ADAMTS2: variants seen among roughly 807,000 people sequenced by gnomAD.
The protein encoded by ADAMTS2 is ADAM metallopeptidase with thrombospondin type 1 motif 2.
In ADAMTS2, 50 loss-of-function variants were observed where a neutral mutation model predicts 123.0. The ratio of observed to expected loss-of-function variants is 0.41; its 90% CI spans 0.32 to 0.51. The LOEUF (loss-of-function observed/expected upper bound fraction) is 0.51, where lower values mean the gene tolerates loss of function less well. ADAMTS2 is among the 20% of genes least tolerant of loss of function. The probability of loss-of-function intolerance (pLI) is 0.35; values close to 1 mark genes in which losing one functional copy is unlikely to be tolerated. For synonymous variants in ADAMTS2, 678 were observed against 695.4 expected, an observed-to-expected ratio of 0.98 and a Z score of 0.39; for missense variants, 1,494 against 1,705.2, an observed-to-expected ratio of 0.88 and a Z score of 2.18.
At chr5:179,316,167 G>A (rs1049024454) in intron 2 of ADAMTS2, among the ~76,000 whole-genome samples, 44 of 152,194 alleles carry the variant, frequency 2.9e-4, no homozygotes, top group African/African-American at 9.4e-4. Context: ...AGACTGGGGC[G>A]TGGGCACCGG....
chr5:179,148,227 C>T (rs1325806985), intron 10 of ADAMTS2, among the ~76,000 whole-genome samples: 1 of 152,126 alleles, frequency 6.6e-6, no homozygotes, highest in African/African-American at 2.4e-5. Flanking sequence ...CTGTGCACGC[C>T]TCCATCTCCT....
At chr5:179,341,372 G>T in intron 2 of ADAMTS2, 1 of 367,384 alleles carries the variant, frequency 2.7e-6, no homozygotes, top group Non-Finnish European at 5.3e-6. Context: ...AAGGAAGGAA[G>T]GAAGGAAAGA....
chr5:179,318,826 C>T (rs60882787), intron 2 of ADAMTS2, among the ~76,000 whole-genome samples: 2,443 of 152,306 alleles, frequency 0.016, 58 homozygotes, highest in African/African-American at 0.056. Context: ...GGCGGGGCCC[C>T]GAAGGGTCTT....
At chr5:179,223,129 C>T (rs553170636) in intron 3 of ADAMTS2, among the ~76,000 whole-genome samples, 17 of 152,348 alleles carry the variant, frequency 1.1e-4, no homozygotes, top group Non-Finnish European at 1.9e-4. Flanking sequence ...TGCTAACTAC[C>T]ATTTGCCAGC....
intron 4 of ADAMTS2, among the ~76,000 whole-genome samples, chr5:179,200,189 C>T (rs1363563877): frequency 6.6e-6 from 1 of 150,390 alleles, no homozygotes. Context: ...GAATGCATTG[C>T]ATGTAATACA....
intron 2 of ADAMTS2, among the ~76,000 whole-genome samples, chr5:179,306,950 G>T (rs1453661086): frequency 1.3e-5 from 2 of 152,204 alleles, no homozygotes; most frequent in Non-Finnish European, 2.9e-5. Context: ...GGATGAGAGG[G>T]CAGGGCAGTC....
intron 3 of ADAMTS2, among the ~76,000 whole-genome samples, chr5:179,223,296 G>C (rs181410829): frequency 0.042 from 5,648 of 133,262 alleles, 308 homozygotes; most frequent in African/African-American, 0.15. Context: ...ACACACACAC[G>C]AACGCACTCA....
intron 3 of ADAMTS2, among the ~76,000 whole-genome samples, chr5:179,221,541 C>T (rs1257502854): frequency 3.3e-5 from 5 of 152,164 alleles, no homozygotes; most frequent in Non-Finnish European, 4.4e-5. Context: ...CCGGGGACCA[C>T]CCCAGCCCTC....
chr5:179,133,486 T>C (rs974756137), intron 13 of ADAMTS2, among the ~76,000 whole-genome samples: 4 of 151,936 alleles, frequency 2.6e-5, no homozygotes, highest in Non-Finnish European at 4.4e-5. Flanking sequence ...GCCAGACTGG[T>C]CTTGAACTCC....
rs1762947890 is a variant in ADAMTS2 at position 179,130,810 on chromosome 5, T to C, written c.2291-712A>G. On this transcript the variant is annotated intron_variant, in intron 15 of 21. Transcript: ENST00000251582. This position sits in a 1 kb window ranked among gnomAD's most constrained non-coding sequence, Gnocchi z 4.3. Reference sequence around the variant, plus strand: ...TCACGTCCCCTGTAATTCTGTCCACTCACAAACAAAGCCTCTGCTTGGTGC... The same window carrying C: ...TCACGTCCCCTGTAATTCTGTCCACCCACAAACAAAGCCTCTGCTTGGTGC... Among the ~76,000 whole-genome samples, 1 of 152,048 alleles carries C rather than the reference T, an allele frequency of 6.6e-6. No individual in the cohort carries two copies.
intron 3 of ADAMTS2, among the ~76,000 whole-genome samples, chr5:179,243,542 A>G (rs1765714146): frequency 2.0e-5 from 3 of 152,228 alleles, no homozygotes; most frequent in African/African-American, 7.2e-5. Flanking sequence ...AAACAAATAA[A>G]TACACAAACA....
At chr5:179,344,362 G>C (rs930436888) in intron 1 of ADAMTS2, among the ~76,000 whole-genome samples, 1 of 152,208 alleles carries the variant, frequency 6.6e-6, no homozygotes, top group African/African-American at 2.4e-5. Flanking sequence ...CCACTCCGGG[G>C]CTCCGCCACT....
At chr5:179,313,292 G>GCACA (rs1263293222) in intron 2 of ADAMTS2, among the ~76,000 whole-genome samples, 1,498 of 12,752 alleles carry the variant, frequency 0.12, 213 homozygotes, top group East Asian at 0.29. Context: ...TCACACTCAT[G>GCACA]CACACACTCA....
intron 3 of ADAMTS2, among the ~76,000 whole-genome samples, chr5:179,214,180 C>A (rs1401248607): frequency 9.6e-6 from 1 of 104,576 alleles, no homozygotes; most frequent in South Asian, 3.2e-4. Context: ...ACTCAAAAAT[C>A]GTGCTCACAG....
At chr5:179,329,181 G>A (rs1350522606) in intron 2 of ADAMTS2, among the ~76,000 whole-genome samples, 1 of 152,050 alleles carries the variant, frequency 6.6e-6, no homozygotes, top group Non-Finnish European at 1.5e-5. Context: ...CAAAAAATTA[G>A]CCGGGTGTGG....
rs1198006379 is a variant in ADAMTS2, at chr5:179,162,478, G to A, written c.976-3599C>T. Among the ~76,000 whole-genome samples the A allele has an allele frequency of 6.6e-6, 1 of 152,186 alleles. No individual in the cohort carries two copies. Among genetic ancestry groups the A allele is most frequent in the Non-Finnish European group, 1.5e-5 (1 of 68,036 alleles). On this transcript the variant is annotated intron_variant, in intron 5 of 21. Coordinates refer to ENST00000251582, the MANE Select transcript of ADAMTS2 (RefSeq NM_014244.5). This position sits in a 1 kb window ranked among gnomAD's most constrained non-coding sequence, Gnocchi z 5.1. The stretch of plus-strand genomic sequence containing the variant: ...GGGGCTGCAGTCTCATCTGAAGGCT[G>A]TACCGGAGGCGGGTCAGCTCCCAGG...
rs1756927120 is a variant in ADAMTS2, at chr5:179,314,520, C to T, written c.534+29247G>A. On this transcript the variant is annotated intron_variant, in intron 2 of 21. Coordinates refer to ENST00000251582, the MANE Select transcript of ADAMTS2 (RefSeq NM_014244.5). The surrounding 1 kb of genome is among the most constrained non-coding windows in gnomAD (Gnocchi z 4.5). ...TGTACTCAGAGCCCAGGAAGCAGCC[C>T]TCCCACCCACAGCGCTCCTGCCTCT... Among the ~76,000 whole-genome samples, 2 of 152,220 alleles carry T rather than the reference C, an allele frequency of 1.3e-5. No individual in the cohort carries two copies. Among genetic ancestry groups the T allele is most frequent in the Admixed American group, 6.5e-5 (1 of 15,288 alleles).
At position 179,312,395 on chromosome 5, in the gene ADAMTS2, C is replaced by A. The variant is rs1429512018; in HGVS notation, c.534+31372G>T. 6.6e-6 allele frequency among the ~76,000 whole-genome samples: 1 copy of A among 152,186 alleles called. No individual in the cohort carries two copies. Among genetic ancestry groups the A allele is most frequent in the African/African-American group, 2.4e-5 (1 of 41,430 alleles). On this transcript the variant is annotated intron_variant, in intron 2 of 21. Coordinates refer to ENST00000251582, the MANE Select transcript of ADAMTS2 (RefSeq NM_014244.5). The surrounding 1 kb of genome is among the most constrained non-coding windows in gnomAD (Gnocchi z 4.2). ...ACACGAATGGGATTTGTGCCCCGAT[C>A]AGAGGGACCCCAGAGAGCTCCCTCA...
At chr5:179,190,375 C>T (rs536725590) in intron 4 of ADAMTS2, among the ~76,000 whole-genome samples, 14 of 152,130 alleles carry the variant, frequency 9.2e-5, no homozygotes, top group South Asian at 8.3e-4. Context: ...GAGCATTTGT[C>T]GTATAGAATG....
Sources: gnomAD v4.1 joint callset for allele counts (sites outside exome capture counted in the v4.1 genomes callset) on GRCh38, gnomAD v4.1.1 for gene constraint, Gnocchi (gnomAD v3.1) non-coding constraint, MANE v1.5 for transcripts, NCBI Gene and HGNC (gene_info 2026-07-23, HGNC 2026-07-21) for gene names.